The following FOXN3 variants were observed in gnomAD, a reference collection of about 807,000 sequenced individuals.
The protein encoded by FOXN3 is forkhead box N3.
FOXN3 carries 7 observed loss-of-function variants against 38.4 expected under a neutral mutation model. The ratio of observed to expected loss-of-function variants is 0.18; its 90% CI spans 0.10 to 0.34. The LOEUF is 0.34. FOXN3 is among the 10% of genes least tolerant of loss of function. The pLI is 1.00. For missense variants in FOXN3, 456 were observed against 613.4 expected (o/e 0.74, Z 2.71); for synonymous variants, 230 against 242.2 (o/e 0.95, Z 0.47).
chr14:89,204,582 T>C (rs1227045395), intron 4 of FOXN3, among the ~76,000 whole-genome samples: 1 of 152,232 alleles, frequency 6.6e-6, no homozygotes, highest in Non-Finnish European at 1.5e-5. Flanking sequence ...ATATTATCAG[T>C]TGAAAAATAA....
At chr14:89,239,648 T>C (rs1442362729) in intron 4 of FOXN3, among the ~76,000 whole-genome samples, 5 of 152,344 alleles carry the variant, frequency 3.3e-5, no homozygotes, top group East Asian at 3.9e-4. Flanking sequence ...TATAACATGG[T>C]TGCCGCATTA....
At chr14:89,524,402 A>AAAAAAAAAAAAAAAAAAAAAAAAAAAAAC (rs1894390968) in intron 1 of FOXN3, among the ~76,000 whole-genome samples, 1 of 32,010 alleles carries the variant, frequency 3.1e-5, no homozygotes, top group Non-Finnish European at 4.7e-5. Context: ...AAAAAAAAAA[A>AAAAAAAAAAAAAAAAAAAAAAAAAAAAAC]AGAAAGAAAG....
rs542622151 is a variant in FOXN3 at position 89,464,628 on chromosome 14, C to G, written c.-14-52138G>C. On this transcript the variant is annotated intron_variant, in intron 1 of 6. Coordinates refer to the FOXN3 transcript ENST00000345097. ...CAGTTCTCATAATCCCCATGTGTCA[C>G]GGGAGGGACCAAGTTGGAGGTAATT... Among the ~76,000 whole-genome samples the G allele has an allele frequency of 2.6e-5, 4 of 152,188 alleles. No homozygotes were observed. The East Asian group carries it at 5.8e-4, about 22-fold the overall frequency.
At chr14:89,442,581 G>C (rs1415140425) in intron 1 of FOXN3, among the ~76,000 whole-genome samples, 1 of 152,202 alleles carries the variant, frequency 6.6e-6, no homozygotes, top group Non-Finnish European at 1.5e-5. Context: ...CCAAGTGAGA[G>C]ACTGATGGAT....
Position 89,162,582 on chromosome 14 carries a change from C to G in FOXN3, c.1239G>C (p.Leu413=). The G allele has an allele frequency of 6.2e-7, 1 of 1,612,654 alleles. No homozygotes were observed. The highest frequency in any genetic ancestry group is 8.5e-7 in the Non-Finnish European group (1 of 1,179,714). ...AKARKVPSDT[L]PLKKRRTEKP... is the part of the protein sequence containing the mutation. ...TTTCGGTGCGTCTCTTTTTGAGGGGCAGTGTGTCGCTGGGGACCTTCCTGG... is the reference window on the plus strand; with the variant it reads ...TTTCGGTGCGTCTCTTTTTGAGGGGGAGTGTGTCGCTGGGGACCTTCCTGG... The change falls in exon 6 of 6, where the codon CTG becomes CTC. Residue 413 remains leucine (L), a synonymous_variant. Coordinates refer to ENST00000557258, the MANE Select transcript of FOXN3 (RefSeq NM_005197.4). This position sits in a 1 kb window ranked among gnomAD's most constrained non-coding sequence, Gnocchi z 7.2.
At chr14:89,386,319 C>CT (rs938448205) in intron 2 of FOXN3, among the ~76,000 whole-genome samples, 2 of 152,216 alleles carry the variant, frequency 1.3e-5, no homozygotes, top group Non-Finnish European at 2.9e-5. Flanking sequence ...GTCATCTGCT[C>CT]TCTAGTGAAA....
At chr14:89,215,075 T>C (rs534955555) in intron 4 of FOXN3, among the ~76,000 whole-genome samples, 1 of 152,316 alleles carries the variant, frequency 6.6e-6, no homozygotes, top group South Asian at 2.1e-4. Context: ...ACAGGATTGG[T>C]TGGTTTATTA....
chr14:89,475,591 G>A (rs551808595), intron 1 of FOXN3, among the ~76,000 whole-genome samples: 5 of 152,166 alleles, frequency 3.3e-5, no homozygotes, highest in Non-Finnish European at 7.4e-5. Context: ...GGAGTTTAAG[G>A]CTGCAGTGGG....
At chr14:89,443,724 T>C (rs1304790803) in intron 1 of FOXN3, among the ~76,000 whole-genome samples, 1 of 151,996 alleles carries the variant, frequency 6.6e-6, no homozygotes, top group African/African-American at 2.4e-5. Context: ...AAAGGTAAAG[T>C]TGGGGCCGGG....
At chr14:89,231,590 G>A (rs1380030630) in intron 4 of FOXN3, among the ~76,000 whole-genome samples, 1 of 152,118 alleles carries the variant, frequency 6.6e-6, no homozygotes, top group Non-Finnish European at 1.5e-5. Context: ...CTGTTGCCTG[G>A]ACTTCTGTTA....
chr14:89,409,553 G>T (rs10484021), intron 2 of FOXN3: 21,874 of 152,240 alleles, frequency 0.14, 1,731 homozygotes, highest in South Asian at 0.32. Flanking sequence ...TGTCAAACAC[G>T]AAGATTCAAG....
At position 89,163,940 on chromosome 14, in the gene FOXN3, C is replaced by T. The variant is rs113380440; in HGVS notation, c.852-971G>A. 2.6e-5 allele frequency among the ~76,000 whole-genome samples: 4 copies of T among 152,206 alleles called. No individual in the cohort carries two copies. Among genetic ancestry groups the T allele is most frequent in the African/African-American group, 4.8e-5 (2 of 41,448 alleles). ...GTCCCTGCTACCCATGCCTATAAGG[C>T]GTCTGTAGCACTCATCACACCTCTG... On this transcript the variant is annotated intron_variant, in intron 5 of 5. Coordinates refer to ENST00000557258, the MANE Select transcript of FOXN3 (RefSeq NM_005197.4). The surrounding 1 kb of genome is among the most constrained non-coding windows in gnomAD (Gnocchi z 4.3).
At chr14:89,398,200 C>T (rs537428087) in intron 2 of FOXN3, among the ~76,000 whole-genome samples, 198 of 152,298 alleles carry the variant, frequency 1.3e-3, no homozygotes, top group Non-Finnish European at 2.2e-3. Flanking sequence ...TGTTGAGTAT[C>T]CTCCACCAGA....
In FOXN3 at chr14:89,269,460, G is replaced by A. The variant is rs139113450; in HGVS notation, c.745+11490C>T. On this transcript the variant is annotated intron_variant, in intron 4 of 5. Coordinates refer to ENST00000557258, the MANE Select transcript of FOXN3 (RefSeq NM_005197.4). ...GGATCTGCCTGTACTGCTTGCTTTT[G>A]GTCACTTGCTTTTTGTTTTGTTTTG... Among the ~76,000 whole-genome samples, 273 of 151,676 alleles carry A rather than the reference G, an allele frequency of 1.8e-3. 2 individuals carry two copies. Among genetic ancestry groups the A allele is most frequent in the African/African-American group, 6.1e-3 (250 of 41,318 alleles).
rs543754754 is a variant in FOXN3, at chr14:89,297,899, G to A, written c.681-16885C>T. 2.6e-5 allele frequency among the ~76,000 whole-genome samples: 4 copies of A among 152,280 alleles called. No individual in the cohort carries two copies. In the East Asian group the frequency reaches 7.7e-4, roughly 29 times the overall value. The stretch of plus-strand genomic sequence containing the variant: ...ACTTGGGAACCTGAGGCAGGAGGAC[G>A]GCTTGAGCCCAGGAGTTCAAAGTTA... On this transcript the variant is annotated intron_variant, in intron 3 of 5. Coordinates refer to ENST00000557258, the MANE Select transcript of FOXN3 (RefSeq NM_005197.4).
chr14:89,395,498 C>G (rs1369528740), intron 2 of FOXN3, among the ~76,000 whole-genome samples: 1 of 152,116 alleles, frequency 6.6e-6, no homozygotes, highest in Non-Finnish European at 1.5e-5. Flanking sequence ...ACACCCTCTC[C>G]TGCCCAGCAC....
Position 89,284,621 on chromosome 14 carries a change from C to T in FOXN3, c.681-3607G>A, listed in dbSNP as rs369020439. On this transcript the variant is annotated intron_variant, in intron 3 of 5. Transcript: ENST00000557258. ...TCAGACTAACCATATGTGAAAGACA[C>T]GCGGGCTCCTATTAGCAGAAACAAT... is the stretch of plus-strand genomic sequence containing the variant. 41 of 454,580 alleles carry T rather than the reference C, an allele frequency of 9.0e-5. No homozygotes were observed. In the East Asian group the frequency reaches 1.1e-3, roughly 12 times the overall value. The allele number at this position is 454,580 out of a possible 1,614,324, so 28.2% of individuals were successfully genotyped here.
At chr14:89,459,175 A>G (rs1892788110) in intron 1 of FOXN3, among the ~76,000 whole-genome samples, 2 of 152,116 alleles carry the variant, frequency 1.3e-5, no homozygotes, top group South Asian at 2.1e-4. Flanking sequence ...AGAAGAAGAA[A>G]AAAAGGGGAA....
Position 89,306,111 on chromosome 14 carries a change from T to C in FOXN3, c.681-25097A>G, listed in dbSNP as rs182824998. 2.8e-3 allele frequency among the ~76,000 whole-genome samples: 419 copies of C among 152,360 alleles called. 1 individual carries two copies. Among genetic ancestry groups the C allele is most frequent in the Middle Eastern group, 6.8e-3 (2 of 294 alleles). ...CTCAAGTTTCTGCCTTTGTCTGCAT[T>C]CTCAATTCCCTCTATTTCAAGAGTC... On this transcript the variant is annotated intron_variant, in intron 3 of 5. Transcript: ENST00000557258.
Sources: gnomAD v4.1 joint callset for allele counts (sites outside exome capture counted in the v4.1 genomes callset) on GRCh38, gnomAD v4.1.1 for gene constraint, Gnocchi (gnomAD v3.1) non-coding constraint, MANE v1.5 for transcripts, NCBI Gene and HGNC (gene_info 2026-07-23, HGNC 2026-07-21) for gene names.